ATOSA: variants seen among roughly 807,000 people sequenced by gnomAD.
The protein encoded by ATOSA is atos homolog A.
the ATOSA span, among the ~76,000 whole-genome samples, chr15:52,618,172 G>A: frequency 6.6e-6 from 1 of 152,014 alleles, no homozygotes; most frequent in African/African-American, 2.4e-5. Flanking sequence ...CTGAGTAGCT[G>A]GGGCTACAGG....
At chr15:52,603,487 T>G in the ATOSA span, among the ~76,000 whole-genome samples, 1 of 151,884 alleles carries the variant, frequency 6.6e-6, no homozygotes, top group Non-Finnish European at 1.5e-5. Flanking sequence ...GCATATATCT[T>G]AAGGAAAAAA....
the ATOSA span, among the ~76,000 whole-genome samples, chr15:52,691,513 A>ACT: frequency 6.6e-6 from 1 of 152,230 alleles, no homozygotes; most frequent in Non-Finnish European, 1.5e-5. Flanking sequence ...CCTTAAGGAA[A>ACT]CTATAAACTA....
the ATOSA span, among the ~76,000 whole-genome samples, chr15:52,700,493 C>A: frequency 6.6e-6 from 1 of 151,942 alleles, no homozygotes; most frequent in African/African-American, 2.4e-5. Flanking sequence ...GATCCAAGAC[C>A]ACTTCAAAAC....
the ATOSA span, among the ~76,000 whole-genome samples, chr15:52,641,079 T>G: frequency 1.3e-5 from 2 of 152,178 alleles, no homozygotes; most frequent in African/African-American, 4.8e-5. Context: ...AAACCTCTTA[T>G]CTGAAGAAAA....
At chr15:52,675,924 GA>G in the ATOSA span, among the ~76,000 whole-genome samples, 35 of 148,540 alleles carry the variant, frequency 2.4e-4, no homozygotes, top group Non-Finnish European at 4.6e-4. Flanking sequence ...AAAAGAAAAA[GA>G]AAAAAAAAGA....
At chr15:52,641,887 AT>A in the ATOSA span, among the ~76,000 whole-genome samples, 1 of 152,226 alleles carries the variant, frequency 6.6e-6, no homozygotes, top group South Asian at 2.1e-4. Context: ...GTGGGATTTA[AT>A]GCTAAAGTAA....
At chr15:52,606,065 T>C in the ATOSA span, among the ~76,000 whole-genome samples, 5 of 152,082 alleles carry the variant, frequency 3.3e-5, no homozygotes, top group African/African-American at 9.7e-5. Flanking sequence ...TTTTGTGACC[T>C]GGTTGACCAT....
At chr15:52,614,250 C>A in the ATOSA span, among the ~76,000 whole-genome samples, 3 of 151,982 alleles carry the variant, frequency 2.0e-5, no homozygotes, top group Admixed American at 6.6e-5. Context: ...GGATTACAGG[C>A]ATGTGCCACC....
chr15:52,653,102 T>C, the ATOSA span, among the ~76,000 whole-genome samples: 4 of 152,206 alleles, frequency 2.6e-5, no homozygotes, highest in African/African-American at 9.7e-5. Context: ...GTGGTGGCTC[T>C]AGGATTTCCA....
chr15:52,657,101 A>T, the ATOSA span: 1 of 152,174 alleles, frequency 6.6e-6, no homozygotes, highest in Admixed American at 6.5e-5. Flanking sequence ...GAAGAAACTG[A>T]ATCATAGAAA....
At chr15:52,645,478 T>C in the ATOSA span, among the ~76,000 whole-genome samples, 1 of 151,930 alleles carries the variant, frequency 6.6e-6, no homozygotes, top group South Asian at 2.1e-4. Flanking sequence ...TTTTAAAAGA[T>C]AAATAAAATA....
chr15:52,676,322 G>A, the ATOSA span, among the ~76,000 whole-genome samples: 1 of 152,086 alleles, frequency 6.6e-6, no homozygotes, highest in Non-Finnish European at 1.5e-5. Context: ...CAAATTGCAG[G>A]TCATCATGAC....
At chr15:52,653,151 A>G in the ATOSA span, among the ~76,000 whole-genome samples, 1 of 152,208 alleles carries the variant, frequency 6.6e-6, no homozygotes, top group Admixed American at 6.5e-5. Flanking sequence ...AGGCCGCAGC[A>G]GAAGCATGCC....
At chr15:52,616,842 G>C in the ATOSA span, among the ~76,000 whole-genome samples, 1 of 152,196 alleles carries the variant, frequency 6.6e-6, no homozygotes, top group Non-Finnish European at 1.5e-5. Flanking sequence ...AGACTTTGTA[G>C]ACATAGAAAG....
At chr15:52,604,556 G>A in the ATOSA span, among the ~76,000 whole-genome samples, 4,024 of 152,264 alleles carry the variant, frequency 0.026, 68 homozygotes, top group Non-Finnish European at 0.039. Context: ...CTGCTTACAT[G>A]CAAGAGGGAT....
the ATOSA span, among the ~76,000 whole-genome samples, chr15:52,595,514 T>C: frequency 5.3e-5 from 8 of 150,874 alleles, no homozygotes; most frequent in African/African-American, 1.9e-4. Context: ...CAAGCATATA[T>C]GCTAGGCCCC....
the ATOSA span, chr15:52,605,365 G>C: frequency 1.5e-6 from 1 of 652,948 alleles, no homozygotes; most frequent in Admixed American, 3.3e-5. Context: ...TGGTGAAGCT[G>C]GTGATATACA....
At chr15:52,684,077 A>G in the ATOSA span, among the ~76,000 whole-genome samples, 1 of 152,240 alleles carries the variant, frequency 6.6e-6, no homozygotes, top group African/African-American at 2.4e-5. Flanking sequence ...GAATAGCACT[A>G]TCCTAGGCAC....
chr15:52,621,471 T>C, the ATOSA span, among the ~76,000 whole-genome samples: 2 of 152,240 alleles, frequency 1.3e-5, no homozygotes, highest in African/African-American at 4.8e-5. Context: ...TTATTACTTT[T>C]TGTAACCTCT....
Sources: gnomAD v4.1 joint callset for allele counts (sites outside exome capture counted in the v4.1 genomes callset) on GRCh38, gnomAD v4.1.1 for gene constraint, MANE v1.5 for transcripts, NCBI Gene and HGNC (gene_info 2026-07-23, HGNC 2026-07-21) for gene names.